Variants in PLXNB2 observed in about 807,000 individuals in gnomAD.
The protein encoded by PLXNB2 is plexin B2.
A neutral mutation model predicts 202.6 loss-of-function variants in PLXNB2; 85 were observed. The ratio of observed to expected loss-of-function variants is 0.42; its 90% confidence interval spans 0.35 to 0.50. The LOEUF (loss-of-function observed/expected upper bound fraction) is 0.50. Among genes scored for constraint, PLXNB2 ranks in the 20% least tolerant of loss-of-function variants. The probability of loss-of-function intolerance (pLI) is 0.02; values close to 1 mark genes in which losing one functional copy is unlikely to be tolerated. For missense variants in PLXNB2, 2,063 were observed against 2,586.2 expected, an observed-to-expected ratio of 0.80 and a Z score of 4.39; for synonymous variants, 1,239 against 1,137.6, an observed-to-expected ratio of 1.09 and a Z score of -1.79.
In PLXNB2 at chr22:50,288,078, G is replaced by A. The variant is rs1303531807; in HGVS notation, c.1381-41C>T. 1.2e-5 allele frequency: 18 copies of A among 1,452,242 alleles called. No individual in the cohort carries two copies. The highest frequency in any genetic ancestry group is 2.2e-4 in the Middle Eastern group (1 of 4,638). The allele number at this position is 1,452,242 out of a possible 1,614,324, so 90.0% of individuals were successfully genotyped here. A position where few individuals can be genotyped will look rare whatever the true frequency, so the allele number is the denominator to read the frequency against. On this transcript the variant is annotated intron_variant, in intron 5 of 36. Transcript: ENST00000359337. This position sits in a 1 kb window ranked among gnomAD's most constrained non-coding sequence, Gnocchi z 5.0. The stretch of plus-strand genomic sequence containing the variant: ...CGTGAGTGGGACCACAGCAGAGGCC[G>A]CACGGGCCTTCCGCAGACCCCAGAT...
In PLXNB2 at chr22:50,289,321, GT is replaced by G. The variant is rs982402591; in HGVS notation, c.1069-180del. On this transcript the variant is annotated intron_variant, in intron 3 of 36. Transcript: ENST00000359337. This position sits in a 1 kb window ranked among gnomAD's most constrained non-coding sequence, Gnocchi z 8.0. ...ACCGTGCTCACTGTTGTGTTCCCCA[GT>G]GCCCGACACAGGCCTGGGACTGGCG... Among the ~76,000 whole-genome samples, 2 of 152,138 alleles carry G rather than the reference GT, an allele frequency of 1.3e-5. No homozygotes were observed. Among genetic ancestry groups the G allele is most frequent in the African/African-American group, 4.8e-5 (2 of 41,426 alleles).
chr22:50,283,325 C>T lies in PLXNB2; in HGVS notation c.2679+12G>A, dbSNP rs2066159658. The T allele has an allele frequency of 6.2e-7, 1 of 1,612,256 alleles. No homozygotes were observed. The highest frequency in any genetic ancestry group is 8.5e-7 in the Non-Finnish European group (1 of 1,179,430). On this transcript the variant is annotated intron_variant, in intron 16 of 36. Coordinates refer to ENST00000359337, the MANE Select transcript of PLXNB2 (RefSeq NM_012401.4). ...TCCCGGGTTCGGCAGGTCCCCGAGG[C>T]CGGGTGCTTACTTGGAAGGTGAACT... is the stretch of plus-strand genomic sequence containing the variant.
chr22:50,302,115 GT>G (rs1348854537), intron 1 of PLXNB2, among the ~76,000 whole-genome samples: 1 of 152,244 alleles, frequency 6.6e-6, no homozygotes, highest in Non-Finnish European at 1.5e-5. Flanking sequence ...GCATGGGGAA[GT>G]GGGGTGGGGG....
chr22:50,307,398 A>ACGGGGCC (rs2147746613), intron 1 of PLXNB2, among the ~76,000 whole-genome samples, 155 bp downstream of exon 1: 1 of 150,772 alleles, frequency 6.6e-6, no homozygotes, highest in Non-Finnish European at 1.5e-5. Context: ...GGACCGACGG[A>ACGGGGCC]CGGGGCCCAG....
intron 33 of PLXNB2, among the ~76,000 whole-genome samples, chr22:50,277,173 T>C (rs2065662525): frequency 6.6e-6 from 1 of 152,064 alleles, no homozygotes. Context: ...TTGTGGCACA[T>C]GCCTGTAGTC....
Position 50,275,117 on chromosome 22 carries a change from G to A in PLXNB2, c.*587C>T, listed in dbSNP as rs1191974537. ...CCTGTCTGACAGACCAGGACCCCAGGATGTCTGGGCCCCGACGTAGGACTT... is the reference window on the plus strand; with the variant it reads ...CCTGTCTGACAGACCAGGACCCCAGAATGTCTGGGCCCCGACGTAGGACTT... On this transcript the variant is annotated 3_prime_UTR_variant, in exon 37 of 37. Coordinates refer to ENST00000359337, the MANE Select transcript of PLXNB2 (RefSeq NM_012401.4). The A allele has an allele frequency of 3.8e-6, 1 of 261,154 alleles. No homozygotes were observed. Among genetic ancestry groups the A allele is most frequent in the Non-Finnish European group, 7.6e-6 (1 of 131,036 alleles). 16.2% of individuals were successfully genotyped at this position (261,154 alleles called of 1,614,324 possible). A position where few individuals can be genotyped will look rare whatever the true frequency, so the allele number is the denominator to read the frequency against.
chr22:50,283,349 C>G lies in PLXNB2; in HGVS notation c.2667G>C (p.Gln889His), dbSNP rs766737874. ...GKLGRSPPNV[Q>H]FTFQQPKPLS... ...GCCGGGTGCTTACTTGGAAGGTGAA[C>G]TGGACATTGGGAGGCGAACGGCCCA... The change falls in exon 16 of 37, where the codon CAG becomes CAC. Residue 889 changes from glutamine (Q) to histidine (H), a missense_variant. By Grantham distance (24) the Gln-to-His change is conservative (BLOSUM62 0). Transcript: ENST00000359337. The G allele has an allele frequency of 1.2e-6, 2 of 1,613,122 alleles. No homozygotes were observed. The highest frequency in any genetic ancestry group is 1.7e-6 in the Non-Finnish European group (2 of 1,179,898).
intron 26 of PLXNB2, 33 bp from the exon 27 acceptor site, chr22:50,279,809 AG>A: frequency 6.2e-7 from 1 of 1,612,700 alleles, no homozygotes; most frequent in South Asian, 1.1e-5. Flanking sequence ...CTGGGAGGTC[AG>A]GGGACTTGGG....
intron 1 of PLXNB2, among the ~76,000 whole-genome samples, chr22:50,295,667 G>A (rs2067210290): frequency 6.6e-6 from 1 of 152,178 alleles, no homozygotes; most frequent in South Asian, 2.1e-4. Context: ...CAGCCACCCA[G>A]CATCCCACCA....
chr22:50,295,552 C>T (rs2067200513), intron 1 of PLXNB2, among the ~76,000 whole-genome samples: 1 of 152,168 alleles, frequency 6.6e-6, no homozygotes, highest in Admixed American at 6.5e-5. Flanking sequence ...ATTGTATCTT[C>T]CCTTGCTATT....
At chr22:50,276,430 T>TGTGGGCACGGCCGAGGGTGCAGCCGCAG (rs1555917018) in intron 35 of PLXNB2, among the ~76,000 whole-genome samples, 199 bp downstream of exon 35, 5 of 3,516 alleles carry the variant, frequency 1.4e-3, no homozygotes, top group East Asian at 9.3e-3. Context: ...GGGCAGGGCC[T>TGTGGGCACGGCCGAGGGTGCAGCCGCAG]GGCTCCAAGC....
intron 25 of PLXNB2, among the ~76,000 whole-genome samples, 161 bp downstream of exon 25, chr22:50,280,328 T>C (rs78659355): frequency 0.027 from 4,062 of 152,266 alleles, 93 homozygotes; most frequent in East Asian, 0.07. Context: ...TTTGAGTTTG[T>C]GGCCGGGGAC....
At position 50,287,950 on chromosome 22, in the gene PLXNB2, C is replaced by T. The variant is rs758817773; in HGVS notation, c.1468G>A (p.Val490Ile). 4.2e-5 allele frequency: 67 copies of T among 1,584,930 alleles called. No individual in the cohort carries two copies. The highest frequency in any genetic ancestry group is 3.1e-4 in the South Asian group (27 of 87,328). ...CCAGGCACTCACCGTCCCTCGACGACGCACCAGCCGCAGTAGGGGTCCTGG... is the reference window on the plus strand; with the variant it reads ...CCAGGCACTCACCGTCCCTCGACGATGCACCAGCCGCAGTAGGGGTCCTGG... The part of the protein sequence containing the change: ...DSQDPYCGWC[V>I]VEGRCTRKAE... Residue 490 changes from valine (V) to isoleucine (I), a missense_variant, in exon 6 of 37, where the codon GTC becomes ATC. Physicochemically the swap from Val to Ile is conservative, Grantham distance 29. Transcript: ENST00000359337.
intron 2 of PLXNB2, among the ~76,000 whole-genome samples, chr22:50,293,645 G>A (rs1278994669): frequency 6.6e-6 from 1 of 152,212 alleles, no homozygotes; most frequent in Non-Finnish European, 1.5e-5. Flanking sequence ...GCGGGGGCGG[G>A]GCCCACGGTC....
Position 50,307,612 on chromosome 22 carries a change from C to T in PLXNB2, c.-133G>A, listed in dbSNP as rs1486022352. ...GGCCGCGCTCGGCGCTGCGCTCTGG[C>T]CCGCGCTGCTGCCATGGAGACGGGG... On this transcript the variant is annotated 5_prime_UTR_variant, in exon 1 of 37. Transcript: ENST00000359337. The T allele has an allele frequency of 2.0e-6, 2 of 981,944 alleles. No individual in the cohort carries two copies. Among genetic ancestry groups the T allele is most frequent in the Non-Finnish European group, 2.4e-6 (2 of 828,634 alleles). 60.8% of individuals were successfully genotyped at this position (981,944 alleles called of 1,614,324 possible).
Position 50,284,140 on chromosome 22 carries a change from T to C in PLXNB2, c.2255A>G (p.Lys752Arg). ...VKSYGKNIDS[K>R]LHVTLYNCSF... is the part of the protein sequence containing the mutation. ...GCGCCCGTGGCCCCCACCATGGAGC[T>C]TGCTGTCGATATTCTTGCCGTAAGA... The change falls in exon 13 of 37, where the codon AAG becomes AGG. Residue 752 changes from lysine to arginine, a missense_variant. By Grantham distance (26) the Lys-to-Arg change is conservative. This residue lies in a region of PLXNB2 where 1,303 missense variants were observed against 1,476.8 expected (regional missense o/e 0.88). Transcript: ENST00000359337. This position sits in a 1 kb window ranked among gnomAD's most constrained non-coding sequence, Gnocchi z 8.0. 6.2e-7 allele frequency: 1 copy of C among 1,604,386 alleles called. No homozygotes were observed. The highest frequency in any genetic ancestry group is 8.5e-7 in the Non-Finnish European group (1 of 1,175,862).
intron 1 of PLXNB2, among the ~76,000 whole-genome samples, 183 bp from the exon 2 acceptor site, chr22:50,294,961 T>TC (rs1436200750): frequency 2.6e-5 from 4 of 152,182 alleles, no homozygotes; most frequent in Admixed American, 2.6e-4. Flanking sequence ...CTCCTGGCAC[T>TC]CCCCTCTGTC....
chr22:50,306,827 A>G (rs1432064331), intron 1 of PLXNB2, among the ~76,000 whole-genome samples: 1 of 152,208 alleles, frequency 6.6e-6, no homozygotes, highest in Non-Finnish European at 1.5e-5. Context: ...AGGGCCTGGC[A>G]GGAAGCCCCA....
rs776496323 is a variant in PLXNB2 at position 50,283,762 on chromosome 22, G to A, written c.2422-12C>T. 2.0e-5 allele frequency: 32 copies of A among 1,613,032 alleles called. No homozygotes were observed. The highest frequency in any genetic ancestry group is 2.6e-5 in the Non-Finnish European group (31 of 1,179,906). On this transcript the variant is annotated splice_polypyrimidine_tract_variant and intron_variant, in intron 14 of 36. Coordinates refer to ENST00000359337, the MANE Select transcript of PLXNB2 (RefSeq NM_012401.4). Reference sequence around the variant, plus strand: ...GTCTCAGGCTGGATCTGAAACCACAGAGCCGGGTGAGCAGGGAGGGGCTCA... The same window carrying A: ...GTCTCAGGCTGGATCTGAAACCACAAAGCCGGGTGAGCAGGGAGGGGCTCA...
Sources: gnomAD v4.1 joint callset for allele counts (sites outside exome capture counted in the v4.1 genomes callset) on GRCh38, gnomAD v4.1.1 for gene constraint, gnomAD v4.1.1 regional missense constraint, Gnocchi (gnomAD v3.1) non-coding constraint, MANE v1.5 for transcripts, NCBI Gene and HGNC (gene_info 2026-07-23, HGNC 2026-07-21) for gene names.